KCNAB1: variants seen among roughly 807,000 people sequenced by gnomAD.
KCNAB1 encodes the protein voltage-gated potassium channel subunit beta-1.
KCNAB1 carries 35 observed loss-of-function variants against 64.6 expected under a neutral mutation model. The ratio of observed to expected loss-of-function variants is 0.54; its 90% confidence interval spans 0.41 to 0.72. KCNAB1 has a LOEUF of 0.72. Ranked by LOEUF, KCNAB1 falls within the 30% of genes least tolerant of loss-of-function variation. The pLI, the probability that KCNAB1 is intolerant of heterozygous loss-of-function variation, is 0.00. For missense variants in KCNAB1, 401 were observed against 512.9 expected (o/e 0.78, Z 2.11); for synonymous variants, 177 against 183.8 (o/e 0.96, Z 0.30).
At chr3:156,446,156 A>G (rs1471685356) in intron 2 of KCNAB1, 1 of 152,224 alleles carries the variant, frequency 6.6e-6, no homozygotes, top group Middle Eastern at 3.2e-3. Context: ...TTTCAGTGGA[A>G]GGCTCAGCCC....
chr3:156,536,787 C>T lies in KCNAB1; in HGVS notation c.*40C>T, dbSNP rs1199924489. ...CACAGAAGCTGCATGGTTAAAATAG[C>T]GGCCTGTGCCCAGTACAGAAAGGTG... On this transcript the variant is annotated 3_prime_UTR_variant, in exon 14 of 14. Coordinates refer to ENST00000490337, the MANE Select transcript of KCNAB1 (RefSeq NM_172160.3). 7 of 1,368,568 alleles carry T rather than the reference C, an allele frequency of 5.1e-6. No individual in the cohort carries two copies. Among genetic ancestry groups the T allele is most frequent in the Non-Finnish European group, 6.3e-6 (6 of 956,858 alleles). The allele number at this position is 1,368,568 out of a possible 1,614,324, so 84.8% of individuals were successfully genotyped here.
chr3:156,131,607 A>T (rs1320193824), intron 1 of KCNAB1, among the ~76,000 whole-genome samples: 1 of 152,162 alleles, frequency 6.6e-6, no homozygotes, highest in Admixed American at 6.5e-5. Context: ...AATACCTTGA[A>T]ATCAGAAAGT....
chr3:156,393,720 A>G (rs1333319227), intron 1 of KCNAB1, among the ~76,000 whole-genome samples: 3 of 152,212 alleles, frequency 2.0e-5, no homozygotes, highest in Admixed American at 1.3e-4. Flanking sequence ...GTGGCAAGGT[A>G]TTACTTCTTC....
chr3:156,435,095 G>C (rs908591724), intron 2 of KCNAB1, among the ~76,000 whole-genome samples: 13 of 152,226 alleles, frequency 8.5e-5, no homozygotes, highest in Admixed American at 3.9e-4. Context: ...ACCTACCTGA[G>C]AGTGAGGGAG....
At chr3:156,279,150 T>C (rs543367368) in intron 1 of KCNAB1, among the ~76,000 whole-genome samples, 40 of 140,132 alleles carry the variant, frequency 2.9e-4, no homozygotes, top group African/African-American at 1.0e-3. Context: ...CAGAGTGTGA[T>C]ATTCCCCTTC....
intron 1 of KCNAB1, among the ~76,000 whole-genome samples, chr3:156,354,130 ATATATATATATATGTG>A (rs956678399): frequency 1.4e-5 from 2 of 143,920 alleles, no homozygotes; most frequent in Non-Finnish European, 3.0e-5. Context: ...GTATATATAT[ATATATATATATATGTG>A]TATATATATA....
intron 1 of KCNAB1, among the ~76,000 whole-genome samples, chr3:156,322,180 G>A (rs77123641): frequency 2.1e-3 from 314 of 152,258 alleles, no homozygotes; most frequent in African/African-American, 7.0e-3. Context: ...GCTCATACTC[G>A]TCCCAGAACA....
At chr3:156,405,122 A>T (rs1162296427) in intron 1 of KCNAB1, among the ~76,000 whole-genome samples, 1 of 152,178 alleles carries the variant, frequency 6.6e-6, no homozygotes, top group African/African-American at 2.4e-5. Flanking sequence ...CTGAGGTTAG[A>T]AGCTCCCTCT....
At chr3:156,220,823 T>C (rs1298877312) in intron 1 of KCNAB1, among the ~76,000 whole-genome samples, 7 of 152,226 alleles carry the variant, frequency 4.6e-5, no homozygotes, top group Non-Finnish European at 8.8e-5. Context: ...TTGCCTAGGT[T>C]TTCTTCTAGG....
At chr3:156,157,274 A>G (rs968309108) in intron 1 of KCNAB1, among the ~76,000 whole-genome samples, 2 of 152,198 alleles carry the variant, frequency 1.3e-5, no homozygotes, top group Non-Finnish European at 2.9e-5. Context: ...CTCCTACTTA[A>G]CAGAACTCTG....
chr3:156,136,072 C>T (rs1714328866), intron 1 of KCNAB1, among the ~76,000 whole-genome samples: 1 of 152,188 alleles, frequency 6.6e-6, no homozygotes, highest in South Asian at 2.1e-4. Flanking sequence ...AAGTCTAAGT[C>T]TCCCACGTAT....
chr3:156,293,969 T>TAA (rs1720624215), intron 1 of KCNAB1, among the ~76,000 whole-genome samples: 1 of 152,248 alleles, frequency 6.6e-6, no homozygotes, highest in Non-Finnish European at 1.5e-5. Flanking sequence ...TTGTGGCCTC[T>TAA]AGTACTTTCG....
chr3:156,213,326 C>A (rs891526899), intron 1 of KCNAB1, among the ~76,000 whole-genome samples: 3 of 151,128 alleles, frequency 2.0e-5, no homozygotes, highest in Non-Finnish European at 4.4e-5. Context: ...TCAAGCAATT[C>A]TCTCCCTCAG....
intron 13 of KCNAB1, among the ~76,000 whole-genome samples, chr3:156,535,301 A>C (rs1484102818): frequency 6.6e-6 from 1 of 152,198 alleles, no homozygotes; most frequent in Admixed American, 6.5e-5. Context: ...GAAACCTCAG[A>C]ATTGGTCGTC....
intron 12 of KCNAB1, chr3:156,524,187 T>C (rs1275009892): frequency 4.9e-6 from 2 of 407,388 alleles, no homozygotes; most frequent in South Asian, 3.9e-5. Context: ...AATGAGAACA[T>C]GTCAGTGATA....
At chr3:156,449,688 T>G (rs1390491870) in intron 2 of KCNAB1, among the ~76,000 whole-genome samples, 1 of 152,216 alleles carries the variant, frequency 6.6e-6, no homozygotes, top group African/African-American at 2.4e-5. Flanking sequence ...ATGGCATAGT[T>G]TTAGAGAATA....
At chr3:156,328,834 G>T (rs961418412) in intron 1 of KCNAB1, among the ~76,000 whole-genome samples, 1 of 152,152 alleles carries the variant, frequency 6.6e-6, no homozygotes, top group Non-Finnish European at 1.5e-5. Flanking sequence ...TCTTAAGTCA[G>T]CTACAAAGCC....
chr3:156,483,819 A>G (rs545514005), intron 8 of KCNAB1, among the ~76,000 whole-genome samples: 3 of 152,278 alleles, frequency 2.0e-5, no homozygotes, highest in East Asian at 3.9e-4. Flanking sequence ...TCTGATATGC[A>G]TCTATAAGAA....
intron 1 of KCNAB1, among the ~76,000 whole-genome samples, chr3:156,410,125 T>A (rs1191950153): frequency 6.6e-6 from 1 of 152,216 alleles, no homozygotes; most frequent in Non-Finnish European, 1.5e-5. Flanking sequence ...AATAAAAGGA[T>A]GTTGGCTTCA....
Sources: allele counts gnomAD v4.1 joint callset (sites outside exome capture counted in the v4.1 genomes callset), GRCh38; gene constraint gnomAD v4.1.1; transcripts MANE v1.5; gene names NCBI Gene and HGNC (gene_info 2026-07-23, HGNC 2026-07-21).